ARMC8: variants seen among roughly 807,000 people sequenced by gnomAD.
The protein encoded by ARMC8 is armadillo repeat-containing protein 8.
Under a neutral mutation model 99.3 loss-of-function variants are expected in ARMC8, and 20 were observed. That is an observed-to-expected ratio of 0.20 (90% CI 0.14 to 0.29). The LOEUF is 0.29. ARMC8 is among the 10% of genes least tolerant of loss of function. The pLI is 1.00. For missense variants in ARMC8, 569 were observed against 809.5 expected (o/e 0.70, Z 3.60); for synonymous variants, 263 against 278.3 (o/e 0.95, Z 0.55).
In ARMC8 at chr3:138,199,707, A is replaced by G. The variant is rs577811253; in HGVS notation, c.46-10110A>G. ...AGACGTGATTTGAAATTAAAGCACA[A>G]TTTAGTAAAATGCTGCTTTTAAAGT... On this transcript the variant is annotated intron_variant, in intron 1 of 21. Coordinates refer to ENST00000469044, the MANE Select transcript of ARMC8 (RefSeq NM_001363941.2). Among the ~76,000 whole-genome samples the G allele has an allele frequency of 5.9e-5, 9 of 152,354 alleles. No individual in the cohort carries two copies. In the South Asian group the frequency reaches 1.4e-3, roughly 25 times the overall value.
intron 12 of ARMC8, among the ~76,000 whole-genome samples, chr3:138,253,011 A>G (rs1300351054): frequency 6.6e-6 from 1 of 152,040 alleles, no homozygotes; most frequent in African/African-American, 2.4e-5. Flanking sequence ...AAATTAGATT[A>G]AAACTATGGC....
At chr3:138,272,313 G>A (rs2048872641) in intron 16 of ARMC8, among the ~76,000 whole-genome samples, 1 of 152,176 alleles carries the variant, frequency 6.6e-6, no homozygotes, top group African/African-American at 2.4e-5. Flanking sequence ...CACAGTATAA[G>A]CATTAATAGT....
In ARMC8 at chr3:138,187,399, G is replaced by T; in HGVS notation, c.-156G>T. 1.5e-6 allele frequency: 1 copy of T among 663,146 alleles called. No individual in the cohort carries two copies. Among genetic ancestry groups the T allele is most frequent in the African/African-American group, 1.8e-5 (1 of 54,668 alleles). The allele number at this position is 663,146 out of a possible 1,614,324, so 41.1% of individuals were successfully genotyped here. ...CATTCCCTTTTGCCCTTCTTTCTGCGGGCCTTTCCGGTACTTGAGCGGTGT... is the reference window on the plus strand; with the variant it reads ...CATTCCCTTTTGCCCTTCTTTCTGCTGGCCTTTCCGGTACTTGAGCGGTGT... On this transcript the variant is annotated 5_prime_UTR_variant, in exon 1 of 22. Transcript: ENST00000469044.
chr3:138,252,677 A>G (rs1023587512), intron 12 of ARMC8, among the ~76,000 whole-genome samples: 34 of 128,022 alleles, frequency 2.7e-4, no homozygotes, highest in African/African-American at 9.1e-4. Context: ...GATGGTCCCG[A>G]ACTCCTGACC....
intron 21 of ARMC8, among the ~76,000 whole-genome samples, chr3:138,292,611 G>T (rs892214943): frequency 8.5e-5 from 13 of 152,172 alleles, no homozygotes; most frequent in Non-Finnish European, 1.5e-4. Flanking sequence ...TGGACAGAGG[G>T]TGTTGCCATA....
chr3:138,198,526 T>TTATTATTA (rs1559911367), intron 1 of ARMC8, among the ~76,000 whole-genome samples: 1 of 145,890 alleles, frequency 6.9e-6, no homozygotes, highest in African/African-American at 2.5e-5. Context: ...TATTATTATT[T>TTATTATTA]TTTGAGACAG....
intron 1 of ARMC8, chr3:138,188,682 C>A (rs972107587): frequency 9.9e-7 from 1 of 1,008,268 alleles, no homozygotes; most frequent in Non-Finnish European, 1.5e-6. Context: ...GTAACTACAA[C>A]CGGTTTCTTT....
chr3:138,274,934 A>G (rs1215300799), intron 18 of ARMC8, among the ~76,000 whole-genome samples: 1 of 152,214 alleles, frequency 6.6e-6, no homozygotes, highest in Non-Finnish European at 1.5e-5. Flanking sequence ...CGACTCGCTG[A>G]TAAAATAATT....
intron 2 of ARMC8, among the ~76,000 whole-genome samples, chr3:138,216,873 A>G (rs910339959): frequency 6.6e-6 from 1 of 152,102 alleles, no homozygotes; most frequent in Non-Finnish European, 1.5e-5. Flanking sequence ...TACTGGTTCA[A>G]AATAAATAGA....
chr3:138,232,914 C>G (rs1027515039), intron 6 of ARMC8, among the ~76,000 whole-genome samples: 1 of 152,196 alleles, frequency 6.6e-6, no homozygotes. Flanking sequence ...TTTTGCTAAG[C>G]TCTGCCAGTG....
intron 7 of ARMC8, among the ~76,000 whole-genome samples, chr3:138,236,926 C>G (rs1223497793): frequency 6.6e-6 from 1 of 152,132 alleles, no homozygotes; most frequent in Non-Finnish European, 1.5e-5. Flanking sequence ...TCCTTCTGTT[C>G]CCTGTCTCCA....
At chr3:138,220,266 T>C (rs1178114242) in intron 2 of ARMC8, among the ~76,000 whole-genome samples, 2 of 152,236 alleles carry the variant, frequency 1.3e-5, no homozygotes, top group Non-Finnish European at 2.9e-5. Context: ...TCCTTTGATA[T>C]CATATAGTTT....
At chr3:138,242,732 A>G (rs1329517470) in intron 11 of ARMC8, among the ~76,000 whole-genome samples, 2 of 152,182 alleles carry the variant, frequency 1.3e-5, no homozygotes, top group African/African-American at 2.4e-5. Context: ...AGTGGTTCCA[A>G]TGGTAACTAT....
chr3:138,246,974 G>C, intron 12 of ARMC8: 2 of 570,402 alleles, frequency 3.5e-6, no homozygotes, highest in Non-Finnish European at 4.4e-6. Context: ...TAATTTCTGG[G>C]AAATTAAGTG....
At chr3:138,259,727 G>A (rs534453077) in intron 12 of ARMC8, among the ~76,000 whole-genome samples, 2 of 152,250 alleles carry the variant, frequency 1.3e-5, no homozygotes, top group East Asian at 3.9e-4. Flanking sequence ...CTTGGAAAGC[G>A]TTTACCAGCC....
At chr3:138,248,041 A>G (rs768713775) in intron 12 of ARMC8, among the ~76,000 whole-genome samples, 15 of 152,178 alleles carry the variant, frequency 9.9e-5, no homozygotes, top group Non-Finnish European at 2.1e-4. Context: ...TGCATCCTTT[A>G]TTACTCTATG....
At chr3:138,244,679 T>A (rs2046799025) in intron 11 of ARMC8, among the ~76,000 whole-genome samples, 1 of 152,234 alleles carries the variant, frequency 6.6e-6, no homozygotes, top group African/African-American at 2.4e-5. Flanking sequence ...TTCATTCAGG[T>A]TATCAGCTGT....
chr3:138,263,534 A>G lies in ARMC8; in HGVS notation c.1135-205A>G, dbSNP rs542076566. ...ACATAACCTGCCCCTTACGCCTGTC[A>G]TTCAGCCTGGCAGGTCCTTAGTGGG... On this transcript the variant is annotated intron_variant, in intron 12 of 21. Coordinates refer to ENST00000469044, the MANE Select transcript of ARMC8 (RefSeq NM_001363941.2). The G allele has an allele frequency of 1.4e-4, 86 of 595,144 alleles. No individual in the cohort carries two copies. The South Asian group carries it at 1.7e-3, about 12-fold the overall frequency. 36.9% of individuals were successfully genotyped at this position (595,144 alleles called of 1,614,324 possible). A position where few individuals can be genotyped will look rare whatever the true frequency, so the allele number is the denominator to read the frequency against.
In ARMC8 at chr3:138,201,210, A is replaced by AT. The variant is rs1235438734; in HGVS notation, c.46-8596dup. On this transcript the variant is annotated intron_variant, in intron 1 of 21. Coordinates refer to ENST00000469044, the MANE Select transcript of ARMC8 (RefSeq NM_001363941.2). ...TACAGGCGTGAGCTATGCCTGGCCT[A>AT]TTTTTTTTTTTAATGTTAGTTGCCT... is the stretch of plus-strand genomic sequence containing the variant. Among the ~76,000 whole-genome samples, 431 of 141,272 alleles carry AT rather than the reference A, an allele frequency of 3.1e-3. 1 individual carries two copies. Among genetic ancestry groups the AT allele is most frequent in the African/African-American group, 6.8e-3 (263 of 38,752 alleles). 92.7% of individuals were successfully genotyped at this position (141,272 alleles called of 152,430 possible).
Sources: gnomAD v4.1 joint callset for allele counts (sites outside exome capture counted in the v4.1 genomes callset) on GRCh38, gnomAD v4.1.1 for gene constraint, MANE v1.5 for transcripts, NCBI Gene and HGNC (gene_info 2026-07-23, HGNC 2026-07-21) for gene names.